Variants in CPNE4 observed in about 807,000 individuals in gnomAD.
The protein encoded by CPNE4 is copine 4.
Under a neutral mutation model 67.9 loss-of-function variants are expected in CPNE4, and 25 were observed. That is an observed-to-expected ratio of 0.37 (90% CI 0.27 to 0.51). The LOEUF (loss-of-function observed/expected upper bound fraction) is 0.51. Ranked by LOEUF, CPNE4 falls within the 20% of genes least tolerant of loss-of-function variation. The probability of loss-of-function intolerance (pLI) is 0.93; values close to 1 mark genes in which losing one functional copy is unlikely to be tolerated. For missense variants in CPNE4, 464 were observed against 690.8 expected (o/e 0.67, Z 3.68); for synonymous variants, 242 against 244.9 (o/e 0.99, Z 0.11).
intron 1 of CPNE4, among the ~76,000 whole-genome samples, chr3:131,948,044 CTTCT>C (rs34581800): frequency 0.22 from 34,016 of 151,886 alleles, 4,531 homozygotes; most frequent in Non-Finnish European, 0.3. Context: ...TTTTTTAGGT[CTTCT>C]TTAATTTCTT....
intron 7 of CPNE4, among the ~76,000 whole-genome samples, chr3:131,661,665 C>T (rs1366454285): frequency 1.3e-5 from 2 of 152,160 alleles, no homozygotes; most frequent in Non-Finnish European, 2.9e-5. Flanking sequence ...GGCACAAAAT[C>T]AGCAGCTCTT....
At chr3:131,800,852 A>G (rs930756161) in intron 2 of CPNE4, among the ~76,000 whole-genome samples, 1 of 152,180 alleles carries the variant, frequency 6.6e-6, no homozygotes, top group African/African-American at 2.4e-5. Flanking sequence ...CAACTTCTTA[A>G]TTTTCTAAGA....
chr3:131,897,519 G>C (rs1006188332), intron 2 of CPNE4, among the ~76,000 whole-genome samples: 1 of 152,056 alleles, frequency 6.6e-6, no homozygotes, highest in African/African-American at 2.4e-5. Flanking sequence ...CTTACCACTT[G>C]TGTGACCTGG....
In CPNE4 at chr3:131,905,306, G is replaced by A. The variant is rs746495467; in HGVS notation, c.138C>T (p.Pro46=). The change falls in exon 2 of 16, where the codon CCC becomes CCT. Residue 46 remains proline, a synonymous_variant. Coordinates refer to ENST00000429747, the MANE Select transcript of CPNE4 (RefSeq NM_130808.3). The part of the protein sequence containing the change: ...SDRDALSKPD[P]CVILKMQSHG... ...GAGACTGCATCTTGAGGATGACACA[G>A]GGGTCTGGTTTGGAAAGGGCATCTC... 11 of 1,613,382 alleles carry A rather than the reference G, an allele frequency of 6.8e-6. No homozygotes were observed. Among genetic ancestry groups the A allele is most frequent in the Admixed American group, 3.3e-5 (2 of 59,918 alleles).
intron 2 of CPNE4, among the ~76,000 whole-genome samples, chr3:131,771,705 G>A (rs1046967709): frequency 1.3e-5 from 2 of 152,068 alleles, no homozygotes; most frequent in Non-Finnish European, 2.9e-5. Flanking sequence ...CCAGCCTCAG[G>A]TATTCCTTTA....
intron 7 of CPNE4, among the ~76,000 whole-genome samples, chr3:131,646,924 T>G (rs1264098527): frequency 6.6e-6 from 1 of 152,208 alleles, no homozygotes; most frequent in East Asian, 1.9e-4. Context: ...CTGTGGATCA[T>G]GCAGAGCATT....
chr3:131,857,800 T>G (rs1249996343), intron 2 of CPNE4, among the ~76,000 whole-genome samples: 1 of 152,002 alleles, frequency 6.6e-6, no homozygotes, highest in African/African-American at 2.4e-5. Flanking sequence ...ACTCCTAGAC[T>G]AATTACGTTG....
At chr3:131,743,890 G>C (rs1306525132) in intron 2 of CPNE4, among the ~76,000 whole-genome samples, 1 of 146,770 alleles carries the variant, frequency 6.8e-6, no homozygotes, top group African/African-American at 2.5e-5. Flanking sequence ...GTGAACCCGG[G>C]AGGCGGAGCT....
intron 1 of CPNE4, among the ~76,000 whole-genome samples, chr3:132,001,576 A>AAAG (rs2073443478): frequency 6.7e-6 from 1 of 149,798 alleles, no homozygotes; most frequent in African/African-American, 2.5e-5. Context: ...AGAAAGAAAG[A>AAAG]AAGAAAGAAA....
intron 3 of CPNE4, among the ~76,000 whole-genome samples, chr3:131,722,911 T>C (rs1191890785): frequency 1.3e-5 from 2 of 152,254 alleles, no homozygotes; most frequent in Non-Finnish European, 2.9e-5. Flanking sequence ...CTCAGGTTTC[T>C]CACTGATAAA....
Position 131,615,661 on chromosome 3 carries a change from A to T in CPNE4, c.682-28079T>A, listed in dbSNP as rs370887433. On this transcript the variant is annotated intron_variant, in intron 7 of 15. Coordinates refer to ENST00000429747, the MANE Select transcript of CPNE4 (RefSeq NM_130808.3). Reference sequence around the variant, plus strand: ...TTATAGATCATAAGTTTTTTATAGGAAGAGAAGTTTGGTTTATATAGGCAT... The same window carrying T: ...TTATAGATCATAAGTTTTTTATAGGTAGAGAAGTTTGGTTTATATAGGCAT... Among the ~76,000 whole-genome samples the T allele has an allele frequency of 2.0e-5, 3 of 152,168 alleles. No individual in the cohort carries two copies. The East Asian group carries it at 5.8e-4, about 29-fold the overall frequency.
chr3:131,851,559 G>A (rs1421914799), intron 2 of CPNE4, among the ~76,000 whole-genome samples: 1 of 152,044 alleles, frequency 6.6e-6, no homozygotes, highest in Admixed American at 6.6e-5. Context: ...ATACAGACCG[G>A]TGTAACAAAT....
intron 1 of CPNE4, among the ~76,000 whole-genome samples, chr3:132,020,041 G>A (rs1367010891): frequency 6.6e-6 from 1 of 152,152 alleles, no homozygotes; most frequent in African/African-American, 2.4e-5. Flanking sequence ...GAGTCAGAAC[G>A]CGGCACAAAT....
chr3:131,613,877 G>T (rs552448578), intron 7 of CPNE4, among the ~76,000 whole-genome samples: 28 of 152,234 alleles, frequency 1.8e-4, no homozygotes, highest in African/African-American at 6.3e-4. Context: ...GATTCTACAA[G>T]ATATTTTTTT....
At chr3:131,680,149 T>C (rs181356132) in intron 6 of CPNE4, among the ~76,000 whole-genome samples, 3 of 152,350 alleles carry the variant, frequency 2.0e-5, no homozygotes, top group Admixed American at 2.0e-4. Context: ...TTAGCTCTTC[T>C]TGCTGAATTA....
At chr3:131,656,261 A>T (rs6785432) in intron 7 of CPNE4, among the ~76,000 whole-genome samples, 40,309 of 152,002 alleles carry the variant, frequency 0.27, 8,271 homozygotes, top group African/African-American at 0.57. Flanking sequence ...AGCAATGGGA[A>T]GTTCTCTGAG....
At chr3:131,581,290 T>A (rs1437548598) in intron 9 of CPNE4, among the ~76,000 whole-genome samples, 1 of 152,102 alleles carries the variant, frequency 6.6e-6, no homozygotes, top group African/African-American at 2.4e-5. Flanking sequence ...TTTGGAGATC[T>A]CCCTCTAGCA....
At chr3:131,734,553 T>G (rs1288929423) in intron 2 of CPNE4, among the ~76,000 whole-genome samples, 1 of 152,140 alleles carries the variant, frequency 6.6e-6, no homozygotes, top group Non-Finnish European at 1.5e-5. Flanking sequence ...TGAGGTTTAA[T>G]TTTTAGTAGA....
chr3:131,540,232 A>G (rs1190313647), intron 15 of CPNE4, among the ~76,000 whole-genome samples: 3 of 152,182 alleles, frequency 2.0e-5, no homozygotes, highest in Non-Finnish European at 4.4e-5. Context: ...CTGCTCCTTC[A>G]GTGATTTTAA....
Sources: gnomAD v4.1 joint callset for allele counts (sites outside exome capture counted in the v4.1 genomes callset) on GRCh38, gnomAD v4.1.1 for gene constraint, MANE v1.5 for transcripts, NCBI Gene and HGNC (gene_info 2026-07-23, HGNC 2026-07-21) for gene names.